RBFOX1: variants seen among roughly 807,000 people sequenced by gnomAD.
RBFOX1 encodes the protein RNA binding protein fox-1 homolog 1.
In RBFOX1, 8 loss-of-function variants were observed where a neutral mutation model predicts 57.7. That is an observed-to-expected ratio of 0.14 (90% CI 0.08 to 0.25). The LOEUF is 0.25. Ranked by LOEUF, RBFOX1 falls within the 10% of genes least tolerant of loss-of-function variation. RBFOX1 has a pLI of 1.00. For missense variants in RBFOX1, 611 were observed against 548.5 expected (o/e 1.11, Z -1.14); for synonymous variants, 326 against 222.4 (o/e 1.47, Z -4.15).
At chr16:5,966,188 C>T (rs533628861) in intron 4 of RBFOX1, among the ~76,000 whole-genome samples, 1 of 146,398 alleles carries the variant, frequency 6.8e-6, no homozygotes, top group African/African-American at 2.8e-5. Flanking sequence ...CATAAAGCCA[C>T]CGTGAGTGAT....
intron 4 of RBFOX1, among the ~76,000 whole-genome samples, chr16:7,254,977 C>T (rs2094619672): frequency 6.6e-6 from 1 of 152,004 alleles, no homozygotes; most frequent in African/African-American, 2.4e-5. Context: ...AGGTGTTTTC[C>T]ACAGTTTTCT....
rs192011210 is a variant in RBFOX1 at position 5,594,250 on chromosome 16, C to A, written c.259-4652C>A. 3.0e-3 allele frequency among the ~76,000 whole-genome samples: 455 copies of A among 152,200 alleles called. 2 individuals carry two copies. Among genetic ancestry groups the A allele is most frequent in the African/African-American group, 0.011 (441 of 41,536 alleles). On this transcript the variant is annotated intron_variant, in intron 2 of 2. Transcript: ENST00000585867. The stretch of plus-strand genomic sequence containing the variant: ...CCTCCTACATCTTTATTCTATGTGA[C>A]TATAGATACAAAGATTGATACATCT...
chr16:6,078,141 C>T lies in RBFOX1; in HGVS notation c.-127+58149C>T, dbSNP rs76737268. Among the ~76,000 whole-genome samples the T allele has an allele frequency of 4.4e-3, 677 of 152,190 alleles. 6 individuals carry two copies. The highest frequency in any genetic ancestry group is 0.015 in the African/African-American group (632 of 41,504). ...AGAGTTGCTGTGTCCTTTCTCAGTC[C>T]CACCACTTGAACATGTGGTAACATG... is the stretch of plus-strand genomic sequence containing the variant. On this transcript the variant is annotated intron_variant, in intron 1 of 15. Coordinates refer to ENST00000550418, the MANE Select transcript of RBFOX1 (RefSeq NM_018723.4).
chr16:7,066,319 A>G (rs1046110122), intron 4 of RBFOX1, among the ~76,000 whole-genome samples: 1 of 152,220 alleles, frequency 6.6e-6, no homozygotes, highest in African/African-American at 2.4e-5. Context: ...CCTTAGCTCA[A>G]GGTAAGAATG....
intron 4 of RBFOX1, among the ~76,000 whole-genome samples, chr16:5,928,353 G>A (rs535524669): frequency 2.0e-5 from 3 of 151,454 alleles, no homozygotes; most frequent in Non-Finnish European, 2.9e-5. Flanking sequence ...CAAGTGTTGG[G>A]ATTATAGGCA....
chr16:5,534,627 T>G (rs1028139112), intron 2 of RBFOX1, among the ~76,000 whole-genome samples: 2 of 152,160 alleles, frequency 1.3e-5, no homozygotes, highest in African/African-American at 4.8e-5. Context: ...TCCACCTGCT[T>G]TTTTTAGCAT....
rs2089792104 is a variant in RBFOX1 at position 7,559,556 on chromosome 16, C to T, written c.271-20221C>T. 2.6e-5 allele frequency among the ~76,000 whole-genome samples: 4 copies of T among 152,128 alleles called. No homozygotes were observed. In the South Asian group the frequency reaches 8.3e-4, roughly 31 times the overall value. On this transcript the variant is annotated intron_variant, in intron 5 of 15. Coordinates refer to ENST00000550418, the MANE Select transcript of RBFOX1 (RefSeq NM_018723.4). ...CAGGCCTTGCAAATTAAGAGCAGCC[C>T]AAGAATTGTGTGCAAACCCTGATAC...
intron 1 of RBFOX1, among the ~76,000 whole-genome samples, chr16:6,167,052 C>T (rs547532618): frequency 6.6e-5 from 10 of 152,174 alleles, no homozygotes; most frequent in Non-Finnish European, 1.5e-4. Context: ...GGATTACAGG[C>T]ATAAGCCATC....
chr16:6,839,713 C>T (rs1006203660), intron 3 of RBFOX1, among the ~76,000 whole-genome samples: 1 of 152,126 alleles, frequency 6.6e-6, no homozygotes, highest in Non-Finnish European at 1.5e-5. Flanking sequence ...AGAAGGCACA[C>T]GATTCTTCTT....
chr16:6,082,664 G>A (rs745312788), intron 1 of RBFOX1, among the ~76,000 whole-genome samples: 2 of 152,066 alleles, frequency 1.3e-5, no homozygotes, highest in Non-Finnish European at 2.9e-5. Flanking sequence ...GGAATGATAA[G>A]CTTTGCTTTG....
chr16:7,248,590 G>C lies in RBFOX1; in HGVS notation c.27+196492G>C, dbSNP rs540282754. On this transcript the variant is annotated intron_variant, in intron 4 of 15. Coordinates refer to ENST00000550418, the MANE Select transcript of RBFOX1 (RefSeq NM_018723.4). ...ATGAGCCACCTTCCTTCCAGAACTA[G>C]GCATTTCTTCTTTATGGTGAGTGAA... Among the ~76,000 whole-genome samples, 7 of 152,094 alleles carry C rather than the reference G, an allele frequency of 4.6e-5. No individual in the cohort carries two copies. In the East Asian group the frequency reaches 1.2e-3, roughly 25 times the overall value.
At chr16:5,846,788 C>A (rs1328716405) in intron 3 of RBFOX1, among the ~76,000 whole-genome samples, 1 of 152,220 alleles carries the variant, frequency 6.6e-6, no homozygotes, top group Non-Finnish European at 1.5e-5. Flanking sequence ...CCACATAGGT[C>A]ACTGAAAAGG....
intron 3 of RBFOX1, among the ~76,000 whole-genome samples, chr16:6,926,683 A>G (rs1420188670): frequency 6.6e-6 from 1 of 152,174 alleles, no homozygotes; most frequent in African/African-American, 2.4e-5. Flanking sequence ...TGGTTAAGGT[A>G]AAAATGCTAC....
chr16:6,927,705 C>G (rs749206127), intron 3 of RBFOX1, among the ~76,000 whole-genome samples: 1 of 146,306 alleles, frequency 6.8e-6, no homozygotes, highest in East Asian at 2.0e-4. Flanking sequence ...TTTTAGGGCA[C>G]TGTAGCAAGG....
intron 1 of RBFOX1, among the ~76,000 whole-genome samples, chr16:5,414,685 G>A (rs753007029): frequency 2.6e-5 from 4 of 152,094 alleles, no homozygotes; most frequent in Admixed American, 2.0e-4. Context: ...TCCAGGCTTC[G>A]GATGCTGAAA....
At chr16:6,541,229 C>G (rs2096812712) in intron 2 of RBFOX1, among the ~76,000 whole-genome samples, 1 of 152,170 alleles carries the variant, frequency 6.6e-6, no homozygotes, top group Non-Finnish European at 1.5e-5. Context: ...TGAAGGGAGA[C>G]AGACTGTAGT....
chr16:5,540,193 C>A (rs2044873931), intron 2 of RBFOX1, among the ~76,000 whole-genome samples: 1 of 152,144 alleles, frequency 6.6e-6, no homozygotes, highest in African/African-American at 2.4e-5. Context: ...TGTGGCACTG[C>A]TGAAACATCA....
At chr16:6,930,414 T>C (rs1435682019) in intron 3 of RBFOX1, among the ~76,000 whole-genome samples, 4 of 152,102 alleles carry the variant, frequency 2.6e-5, no homozygotes, top group Non-Finnish European at 4.4e-5. Context: ...ATTTTTGTTA[T>C]TGTTGTTATT....
At chr16:7,021,691 T>G (rs2039169598) in intron 3 of RBFOX1, among the ~76,000 whole-genome samples, 1 of 150,058 alleles carries the variant, frequency 6.7e-6, no homozygotes, top group Admixed American at 6.6e-5. Context: ...CTGGATTAAG[T>G]GTCCATCATA....
Sources: gnomAD v4.1 joint callset for allele counts (sites outside exome capture counted in the v4.1 genomes callset) on GRCh38, gnomAD v4.1.1 for gene constraint, MANE v1.5 for transcripts, NCBI Gene and HGNC (gene_info 2026-07-23, HGNC 2026-07-21) for gene names.